The following ZCCHC2 variants were observed in gnomAD, a reference collection of about 807,000 sequenced individuals.
The protein encoded by ZCCHC2 is zinc finger CCHC-type containing 2, also known as zinc finger CCHC domain-containing protein 2.
Under a neutral mutation model 103.6 loss-of-function variants are expected in ZCCHC2, and 39 were observed. The ratio of observed to expected loss-of-function variants is 0.38; its 90% CI spans 0.29 to 0.49. The LOEUF (loss-of-function observed/expected upper bound fraction) is 0.49. Among genes scored for constraint, ZCCHC2 ranks in the 20% least tolerant of loss-of-function variants. The pLI, the probability that ZCCHC2 is intolerant of heterozygous loss-of-function variation, is 0.96. For synonymous variants in ZCCHC2, 687 were observed against 608.9 expected (o/e 1.13, Z -1.89); for missense variants, 1,483 against 1,491.0 (o/e 0.99, Z 0.09).
intron 11 of ZCCHC2, among the ~76,000 whole-genome samples, chr18:62,566,956 A>G (rs564084579): frequency 6.6e-4 from 101 of 152,370 alleles, no homozygotes; most frequent in Non-Finnish European, 1.1e-3. Flanking sequence ...ACTTTGTAAC[A>G]GCATCACAAA....
chr18:62,583,349 C>A (rs893456160), downstream of ZCCHC2, among the ~76,000 whole-genome samples: 7 of 151,918 alleles, frequency 4.6e-5, no homozygotes, highest in Non-Finnish European at 8.8e-5. Context: ...TCATAACGGT[C>A]ATGATTATTC....
intron 12 of ZCCHC2, among the ~76,000 whole-genome samples, chr18:62,572,494 C>A (rs1916633397): frequency 6.6e-6 from 1 of 152,194 alleles, no homozygotes; most frequent in Non-Finnish European, 1.5e-5. Context: ...GGGCTGTCTT[C>A]ACCCAAGGAA....
intron 12 of ZCCHC2, among the ~76,000 whole-genome samples, chr18:62,571,250 G>C (rs1166242595): frequency 1.3e-5 from 2 of 152,112 alleles, no homozygotes; most frequent in African/African-American, 2.4e-5. Context: ...GGCTTTTGGG[G>C]AACTCGAAAC....
intron 11 of ZCCHC2, among the ~76,000 whole-genome samples, chr18:62,565,313 C>G (rs981681329): frequency 7.9e-5 from 12 of 152,190 alleles, no homozygotes; most frequent in Admixed American, 5.9e-4. Flanking sequence ...TTGCCTTTGC[C>G]TCAGTGATTC....
Position 62,574,318 on chromosome 18 carries a change from A to G in ZCCHC2, c.2237A>G (p.Lys746Arg), listed in dbSNP as rs781746283. The G allele has an allele frequency of 3.7e-6, 6 of 1,613,948 alleles. No homozygotes were observed. In the African/African-American group the frequency reaches 6.7e-5, roughly 18 times the overall value. The change falls in exon 13 of 14, where the codon AAA (lysine) becomes AGA (arginine). Residue 746 changes from lysine (K) to arginine (R), a missense_variant. By Grantham distance (26) the Lys-to-Arg change is conservative (BLOSUM62 2). Around this residue, in one of 3 missense-constraint regions of ZCCHC2, gnomAD observed 884 missense variants for 907.5 expected, o/e 0.97. Coordinates refer to ENST00000269499, the MANE Select transcript of ZCCHC2 (RefSeq NM_017742.6). ...VVPAPKPADGKTIGMLVPSPV... is the reference protein window; with the variant it reads ...VVPAPKPADGRTIGMLVPSPV... ...CCTGCACCCAAACCCGCTGATGGCA[A>G]AACCATAGGGATGCTTGTTCCTAGT...
At chr18:62,533,278 C>T (rs1230027512) in intron 1 of ZCCHC2, among the ~76,000 whole-genome samples, 3 of 152,100 alleles carry the variant, frequency 2.0e-5, no homozygotes, top group African/African-American at 7.2e-5. Flanking sequence ...GTAATCCCAG[C>T]ACTTTGGGAG....
At position 62,539,449 on chromosome 18, in the gene ZCCHC2, T is replaced by C. The variant is rs949758411; in HGVS notation, c.940-232T>C. 1.7e-5 allele frequency: 7 copies of C among 410,250 alleles called. No individual in the cohort carries two copies. The South Asian group carries it at 1.8e-4, about 11-fold the overall frequency. The allele number at this position is 410,250 out of a possible 1,614,324, so 25.4% of individuals were successfully genotyped here. A position where few individuals can be genotyped will look rare whatever the true frequency, so the allele number is the denominator to read the frequency against. ...ACATCATTGGCAACTCTGTATATTA[T>C]TAAGCAATTTCCTGTGTCCCAAGAA... is the stretch of plus-strand genomic sequence containing the variant. On this transcript the variant is annotated intron_variant, in intron 1 of 13. Transcript: ENST00000269499.
At chr18:62,583,959 A>G (rs1917101010) in intron 14 of ZCCHC2, among the ~76,000 whole-genome samples, 1 of 152,088 alleles carries the variant, frequency 6.6e-6, no homozygotes, top group Non-Finnish European at 1.5e-5. Flanking sequence ...GCCAGGGCGG[A>G]CAACCTTGTC....
rs566867704 is a variant in ZCCHC2 at position 62,564,698 on chromosome 18, T to C, written c.1751+63T>C. 6 of 1,220,442 alleles carry C rather than the reference T, an allele frequency of 4.9e-6. No homozygotes were observed. The East Asian group carries it at 1.0e-4, about 21-fold the overall frequency. 75.6% of individuals were successfully genotyped at this position (1,220,442 alleles called of 1,614,324 possible). On this transcript the variant is annotated intron_variant, in intron 10 of 13. Transcript: ENST00000269499. ...GATAATAGGCCTGTTTAGTTTATGA[T>C]AGTATACAACATAGTATTTTTTTAG... is the stretch of plus-strand genomic sequence containing the variant.
chr18:62,548,248 G>GTATA (rs1447032099), intron 4 of ZCCHC2, among the ~76,000 whole-genome samples: 9 of 151,264 alleles, frequency 5.9e-5, no homozygotes, highest in African/African-American at 2.2e-4. Flanking sequence ...ATTTAAAACT[G>GTATA]TATATATATA....
At position 62,574,830 on chromosome 18, in the gene ZCCHC2, C is replaced by A; in HGVS notation, c.2749C>A (p.Pro917Thr). The A allele has an allele frequency of 6.2e-7, 1 of 1,613,962 alleles. No individual in the cohort carries two copies. Among genetic ancestry groups the A allele is most frequent in the Non-Finnish European group, 8.5e-7 (1 of 1,179,876 alleles). The change falls in exon 13 of 14, where the codon CCC (proline) becomes ACC (threonine). Residue 917 changes from proline to threonine, a missense_variant. Coordinates refer to ENST00000269499, the MANE Select transcript of ZCCHC2 (RefSeq NM_017742.6). ...LSAAQPPASY[P>T]LPGSPLAAGV... ...AGCTGCTCAGCCACCAGCTTCCTAC[C>A]CCTTACCAGGCTCTCCCCTTGCTGC... is the stretch of plus-strand genomic sequence containing the variant.
chr18:62,574,904 T>G lies in ZCCHC2; in HGVS notation c.2823T>G (p.Thr941=). The G allele has an allele frequency of 6.2e-7, 1 of 1,613,854 alleles. No individual in the cohort carries two copies. The highest frequency in any genetic ancestry group is 1.1e-5 in the South Asian group (1 of 91,080). ...CCAGTGTGCTCAGCACAGCAGCAAC[T>G]TCTCCCCAGCCAGCGAGCGCAGGTA... ...QNSSVLSTAA[T]SPQPASAGIS... Residue 941 remains threonine, a synonymous_variant, in exon 13 of 14, where the codon ACT becomes ACG. Coordinates refer to ENST00000269499, the MANE Select transcript of ZCCHC2 (RefSeq NM_017742.6).
chr18:62,523,733 G>T lies in ZCCHC2; in HGVS notation c.309G>T (p.Gly103=), dbSNP rs1167824218. 6.6e-7 allele frequency: 1 copy of T among 1,525,442 alleles called. No homozygotes were observed. Among genetic ancestry groups the T allele is most frequent in the Non-Finnish European group, 8.7e-7 (1 of 1,143,368 alleles). The allele number at this position is 1,525,442 out of a possible 1,614,324, so 94.5% of individuals were successfully genotyped here. Residue 103 remains glycine, a synonymous_variant, in exon 1 of 14, where the codon GGG becomes GGT. Transcript: ENST00000269499. ...AGGAGCGGGTATACGAGTGGTTCGG[G>T]CTGGTGCTGGGCTCGGCGCAGCGCC... ...REQERVYEWF[G]LVLGSAQRLE...
At chr18:62,558,923 G>A (rs1307283634) in intron 7 of ZCCHC2, 153 bp downstream of exon 7, 4 of 163,882 alleles carry the variant, frequency 2.4e-5, no homozygotes, top group African/African-American at 4.8e-5. Context: ...TCAATAAATG[G>A]TGTGTGGAGA....
chr18:62,524,314 A>G lies in ZCCHC2; in HGVS notation c.890A>G (p.Asp297Gly), dbSNP rs1465457257. Residue 297 changes from aspartate (D) to glycine (G), a missense_variant, in exon 1 of 14, where the codon GAC becomes GGC. Physicochemically the swap from Asp to Gly is moderately conservative, Grantham distance 94. Around this residue, in one of 3 missense-constraint regions of ZCCHC2, gnomAD observed 568 missense variants for 525.1 expected, o/e 1.08. Coordinates refer to ENST00000269499, the MANE Select transcript of ZCCHC2 (RefSeq NM_017742.6). ...GCCGCGCTCCGCGGGGGCCCCGAGG[A>G]CGCGGAGGTGGAGGTAGAGCCGTGC... Reference protein sequence around the residue: ...LRAALRGGPEDAEVEVEPCKF... With the variant: ...LRAALRGGPEGAEVEVEPCKF... 24 of 1,548,164 alleles carry G rather than the reference A, an allele frequency of 1.6e-5. No homozygotes were observed. The highest frequency in any genetic ancestry group is 2.0e-5 in the Non-Finnish European group (23 of 1,146,172).
At chr18:62,569,355 C>T (rs1916498170) in intron 11 of ZCCHC2, among the ~76,000 whole-genome samples, 1 of 152,138 alleles carries the variant, frequency 6.6e-6, no homozygotes, top group Admixed American at 6.6e-5. Context: ...ATTCACTAAT[C>T]TATAGTTCTT....
chr18:62,552,945 T>G (rs2145509828), intron 5 of ZCCHC2, among the ~76,000 whole-genome samples: 1 of 152,100 alleles, frequency 6.6e-6, no homozygotes, highest in African/African-American at 2.4e-5. Flanking sequence ...TTTAGGATTC[T>G]CCTCAGCTTT....
intron 3 of ZCCHC2, among the ~76,000 whole-genome samples, chr18:62,543,666 C>T (rs1381656404): frequency 6.6e-6 from 1 of 152,162 alleles, no homozygotes; most frequent in Non-Finnish European, 1.5e-5. Context: ...CTCTAAAGCT[C>T]CCTCCTCCGA....
chr18:62,529,583 G>T (rs1914594868), intron 1 of ZCCHC2, among the ~76,000 whole-genome samples: 1 of 152,152 alleles, frequency 6.6e-6, no homozygotes, highest in Admixed American at 6.5e-5. Flanking sequence ...AAGCCATTTG[G>T]AAGAGACTTT....
Sources: allele counts gnomAD v4.1 joint callset (sites outside exome capture counted in the v4.1 genomes callset), GRCh38; gene constraint gnomAD v4.1.1; regional missense constraint gnomAD v4.1.1; transcripts MANE v1.5; gene names NCBI Gene and HGNC (gene_info 2026-07-23, HGNC 2026-07-21).